Variants in SMARCAL1 observed in about 807,000 individuals in gnomAD.
The protein encoded by SMARCAL1 is ATP-driven annealing helicase.
SMARCAL1 carries 58 observed loss-of-function variants against 94.5 expected under a neutral mutation model. The observed-to-expected ratio is 0.61, with a 90% CI of 0.50 to 0.76. The LOEUF (loss-of-function observed/expected upper bound fraction) is 0.76, where lower values mean the gene tolerates loss of function less well. Among genes scored for constraint, SMARCAL1 ranks in the 30% least tolerant of loss-of-function variants. The pLI is 0.00. For synonymous variants in SMARCAL1, 422 were observed against 455.1 expected (o/e 0.93, Z 0.93); for missense variants, 1,051 against 1,177.9 (o/e 0.89, Z 1.58).
intron 12 of SMARCAL1, among the ~76,000 whole-genome samples, chr2:216,457,386 A>G (rs1574472018): frequency 1.3e-5 from 2 of 152,240 alleles, no homozygotes; most frequent in Admixed American, 1.3e-4. Context: ...CAGAATATAC[A>G]TTCTTCTCAG....
intron 11 of SMARCAL1, among the ~76,000 whole-genome samples, chr2:216,449,631 C>T (rs1183539381): frequency 6.6e-6 from 1 of 152,156 alleles, no homozygotes; most frequent in African/African-American, 2.4e-5. Context: ...TATTCTGTCT[C>T]CACTATTATG....
intron 17 of SMARCAL1, among the ~76,000 whole-genome samples, chr2:216,480,312 A>T (rs1176486580): frequency 6.6e-6 from 1 of 152,242 alleles, no homozygotes; most frequent in East Asian, 1.9e-4. Context: ...AGAAGAGGTT[A>T]TATCTCACTG....
chr2:216,432,809 C>G lies in SMARCAL1; in HGVS notation c.1426C>G (p.Arg476Gly). The G allele has an allele frequency of 1.9e-6, 3 of 1,614,218 alleles. No individual in the cohort carries two copies. Among genetic ancestry groups the G allele is most frequent in the Non-Finnish European group, 2.5e-6 (3 of 1,180,044 alleles). Residue 476 changes from arginine to glycine, a missense_variant, in exon 8 of 18, where the codon CGG becomes GGG. Arg to Gly is a moderately radical substitution (Grantham distance 125, BLOSUM62 -2). Transcript: ENST00000357276. The part of the protein sequence containing the change: ...IQAICIAAFY[R>G]KEWPLLVVVP... Reference sequence around the variant, plus strand: ...AGCCATCTGCATCGCAGCCTTTTACCGGAAGGAGTGGCCGCTCCTGGTGGT... The same window carrying G: ...AGCCATCTGCATCGCAGCCTTTTACGGGAAGGAGTGGCCGCTCCTGGTGGT...
intron 13 of SMARCAL1, 132 bp downstream of exon 13, chr2:216,464,799 T>G: frequency 1.3e-6 from 1 of 743,758 alleles, no homozygotes. Context: ...ATGTGCCTTT[T>G]GTTGAGGAAG....
At chr2:216,473,894 G>C (rs77560502) in intron 14 of SMARCAL1, among the ~76,000 whole-genome samples, 9,408 of 152,088 alleles carry the variant, frequency 0.062, 911 homozygotes, top group African/African-American at 0.21. Context: ...GTACACACAT[G>C]TTCATAGCAG....
chr2:216,439,049 T>A (rs561326530), intron 10 of SMARCAL1, among the ~76,000 whole-genome samples: 45 of 152,294 alleles, frequency 3.0e-4, no homozygotes, highest in African/African-American at 1.1e-3. Context: ...AAGCTGATAC[T>A]GTTTTCTGTG....
At chr2:216,414,150 A>G (rs909169986) in intron 2 of SMARCAL1, 2 of 152,004 alleles carry the variant, frequency 1.3e-5, no homozygotes, top group African/African-American at 2.5e-5. Flanking sequence ...TTAGCTTTGG[A>G]TTTGCTTTTT....
Position 216,423,679 on chromosome 2 carries a change from A to T in SMARCAL1, c.1143A>T (p.Lys381Asn). ...KWSFLLEEHS[K>N]LIAKVRCLPQ... is the part of the protein sequence containing the mutation. The stretch of plus-strand genomic sequence containing the variant: ...GCTTTCTCTTGGAAGAGCACAGTAA[A>T]CTAAGTGAGAAGCCTTCCTTACTTG... Residue 381 changes from lysine to asparagine, a missense_variant, in exon 6 of 18, where the codon AAA (lysine) becomes AAT (asparagine). Transcript: ENST00000357276. 6.2e-7 allele frequency: 1 copy of T among 1,612,700 alleles called. No homozygotes were observed. The highest frequency in any genetic ancestry group is 8.5e-7 in the Non-Finnish European group (1 of 1,178,676).
At position 216,481,184 on chromosome 2, in the gene SMARCAL1, ATATT is replaced by A. The variant is rs138505181; in HGVS notation, c.2626-1531_2626-1528del. 4.3e-4 allele frequency among the ~76,000 whole-genome samples: 66 copies of A among 151,832 alleles called. No homozygotes were observed. The East Asian group carries it at 7.4e-3, about 17-fold the overall frequency. On this transcript the variant is annotated intron_variant, in intron 17 of 17. Transcript: ENST00000357276. ...GAGATGAGAGATCATTTGATTTTTTATATTTATTTATTTATTTATTTATTTAGAG... is the reference window on the plus strand; with the variant it reads ...GAGATGAGAGATCATTTGATTTTTTATATTTATTTATTTATTTATTTAGAG...
intron 10 of SMARCAL1, 36 bp from the exon 11 acceptor site, chr2:216,446,982 C>T: frequency 1.2e-6 from 2 of 1,613,878 alleles, no homozygotes; most frequent in South Asian, 2.2e-5. Flanking sequence ...GTGCTCCTCC[C>T]TGTGTTCAGA....
chr2:216,431,991 C>T (rs1693973991), intron 7 of SMARCAL1, among the ~76,000 whole-genome samples: 1 of 152,066 alleles, frequency 6.6e-6, no homozygotes, highest in South Asian at 2.1e-4. Flanking sequence ...CTTCTTTTCA[C>T]CCTACCAGCT....
intron 17 of SMARCAL1, among the ~76,000 whole-genome samples, chr2:216,480,789 G>A (rs898691573): frequency 1.3e-5 from 2 of 152,134 alleles, no homozygotes; most frequent in African/African-American, 4.8e-5. Context: ...ATAAAGGCCT[G>A]AAAAGCCAGG....
At chr2:216,416,390 A>C in intron 4 of SMARCAL1, 83 bp downstream of exon 4, 1 of 1,194,384 alleles carries the variant, frequency 8.4e-7, no homozygotes. Flanking sequence ...CAGCTTATGG[A>C]GTGCATGGCT....
intron 14 of SMARCAL1, among the ~76,000 whole-genome samples, chr2:216,473,589 C>G (rs1389348206): frequency 1.3e-5 from 2 of 151,962 alleles, no homozygotes; most frequent in Admixed American, 6.6e-5. Context: ...TATTTTAGAA[C>G]ACTTAACAAT....
chr2:216,424,302 T>C, intron 6 of SMARCAL1, among the ~76,000 whole-genome samples: 1 of 152,196 alleles, frequency 6.6e-6, no homozygotes, highest in Non-Finnish European at 1.5e-5. Context: ...GATGGGGCAA[T>C]AAATTCTAAT....
intron 10 of SMARCAL1, chr2:216,446,752 T>C: frequency 1.6e-6 from 1 of 607,158 alleles, no homozygotes; most frequent in Non-Finnish European, 3.1e-6. Flanking sequence ...CTCAAGAGGC[T>C]TGCAGTCTAA....
At position 216,478,257 on chromosome 2, in the gene SMARCAL1, C is replaced by T. The variant is rs766357613; in HGVS notation, c.2583C>T (p.Thr861=). Residue 861 remains threonine (T), a synonymous_variant, in exon 17 of 18, where the codon ACC becomes ACT. Transcript: ENST00000357276. ...TGGCAGAAGCCGGGCTTTCTGAGAC[C>T]AATTTTTCAGAAATGACAGAATCCA... ...KVLAEAGLSE[T]NFSEMTESTD... 7 of 1,614,128 alleles carry T rather than the reference C, an allele frequency of 4.3e-6. No individual in the cohort carries two copies. The Admixed American group carries it at 8.3e-5, about 19-fold the overall frequency.
intron 5 of SMARCAL1, among the ~76,000 whole-genome samples, chr2:216,422,274 G>A (rs2106022546): frequency 6.6e-6 from 1 of 152,274 alleles, no homozygotes; most frequent in Admixed American, 6.5e-5. Flanking sequence ...CAACTACTCA[G>A]GAGGCTGAGG....
chr2:216,426,449 C>G (rs1464779756), intron 6 of SMARCAL1, among the ~76,000 whole-genome samples: 1 of 152,092 alleles, frequency 6.6e-6, no homozygotes, highest in African/African-American at 2.4e-5. Flanking sequence ...ACATAATGGC[C>G]ACAAATAAGA....
Sources: gnomAD v4.1 joint callset for allele counts (sites outside exome capture counted in the v4.1 genomes callset) on GRCh38, gnomAD v4.1.1 for gene constraint, MANE v1.5 for transcripts, NCBI Gene and HGNC (gene_info 2026-07-23, HGNC 2026-07-21) for gene names.